TM9SF4: variants seen among roughly 807,000 people sequenced by gnomAD.
The protein encoded by TM9SF4 is dinucleotide oxidase disulfide thiol exchanger 3 superfamily member 4.
TM9SF4 carries 26 observed loss-of-function variants against 90.4 expected under a neutral mutation model. The observed-to-expected ratio is 0.29, with a 90% CI of 0.21 to 0.40. The LOEUF (loss-of-function observed/expected upper bound fraction) is 0.40. Ranked by LOEUF, TM9SF4 falls within the 10% of genes least tolerant of loss-of-function variation. The pLI, the probability that TM9SF4 is intolerant of heterozygous loss-of-function variation, is 1.00. For synonymous variants in TM9SF4, 293 were observed against 315.4 expected (o/e 0.93, Z 0.75); for missense variants, 549 against 834.8 (o/e 0.66, Z 4.22).
chr20:32,155,202 A>G lies in TM9SF4; in HGVS notation c.1329+16A>G, dbSNP rs956935161. 3 of 1,606,712 alleles carry G rather than the reference A, an allele frequency of 1.9e-6. No individual in the cohort carries two copies. The highest frequency in any genetic ancestry group is 2.2e-5 in the East Asian group (1 of 44,836). On this transcript the variant is annotated intron_variant, in intron 13 of 17. Coordinates refer to ENST00000398022, the MANE Select transcript of TM9SF4 (RefSeq NM_014742.4). ...ATCAGGAGCGGTAAGTGCCTCCCCT[A>G]CCCTTCCAGCCCCTCCCCAGCAAGC...
At chr20:32,119,200 T>C (rs749266594) in intron 1 of TM9SF4, among the ~76,000 whole-genome samples, 1 of 152,030 alleles carries the variant, frequency 6.6e-6, no homozygotes, top group Non-Finnish European at 1.5e-5. Flanking sequence ...GGCTCATGCT[T>C]GTAATGTCAG....
chr20:32,151,724 C>G (rs1192292762), intron 12 of TM9SF4, among the ~76,000 whole-genome samples: 3 of 152,088 alleles, frequency 2.0e-5, no homozygotes, highest in Admixed American at 2.0e-4. Context: ...TCTTGTTGCC[C>G]AGGCTGGAGT....
At chr20:32,157,750 G>A (rs772982489) in intron 13 of TM9SF4, 44 bp from the exon 14 acceptor site, 8 of 1,605,224 alleles carry the variant, frequency 5.0e-6, no homozygotes, top group East Asian at 2.2e-5. Flanking sequence ...CCCCCATCCC[G>A]GGCATCAGGG....
At chr20:32,120,806 G>A (rs998191311) in intron 1 of TM9SF4, among the ~76,000 whole-genome samples, 18 of 152,164 alleles carry the variant, frequency 1.2e-4, no homozygotes, top group African/African-American at 4.1e-4. Context: ...ATCTGATTAA[G>A]TTCCCTTCTA....
intron 1 of TM9SF4, among the ~76,000 whole-genome samples, chr20:32,129,425 T>G (rs1451368564): frequency 2.0e-5 from 3 of 152,056 alleles, no homozygotes; most frequent in Admixed American, 2.0e-4. Context: ...CCCAAGAGGT[T>G]GAGGCTGCAA....
chr20:32,151,870 T>G (rs1030638146), intron 12 of TM9SF4, among the ~76,000 whole-genome samples: 24 of 143,784 alleles, frequency 1.7e-4, no homozygotes, highest in Admixed American at 1.0e-3. Context: ...TGTTTTTTTG[T>G]TTTTTTTTTT....
At chr20:32,161,102 T>G (rs2122478137) in intron 16 of TM9SF4, 174 bp from the exon 17 acceptor site, 1 of 587,358 alleles carries the variant, frequency 1.7e-6, no homozygotes. Flanking sequence ...GTTCTGTGGT[T>G]TTTAGAAATG....
rs781133846 is a variant in TM9SF4 at position 32,133,095 on chromosome 20, A to G, written c.98A>G (p.Asn33Ser). ...TATGTGCCTGGGGTCGCGCCTATCA[A>G]CTTCCACCAGAACGATCCCGTAGAA... Reference protein sequence around the residue: ...AFYVPGVAPINFHQNDPVEIK... With the variant: ...AFYVPGVAPISFHQNDPVEIK... Residue 33 changes from asparagine to serine, a missense_variant, in exon 2 of 18, where the codon AAC becomes AGC. Asn to Ser is a conservative substitution (Grantham distance 46). This residue lies in a region of TM9SF4 where 495 missense variants were observed against 711.7 expected (regional missense o/e 0.70). Transcript: ENST00000398022. 1 of 1,614,148 alleles carries G rather than the reference A, an allele frequency of 6.2e-7. No individual in the cohort carries two copies. The highest frequency in any genetic ancestry group is 1.3e-5 in the African/African-American group (1 of 75,028).
intron 10 of TM9SF4, 55 bp downstream of exon 10, chr20:32,149,821 C>T (rs1242957692): frequency 1.9e-6 from 3 of 1,602,026 alleles, no homozygotes; most frequent in African/African-American, 1.3e-5. Context: ...TTCCAGGTGC[C>T]TCAAGGAGAG....
At chr20:32,144,677 A>G (rs1257052720) in intron 6 of TM9SF4, among the ~76,000 whole-genome samples, 1 of 152,232 alleles carries the variant, frequency 6.6e-6, no homozygotes, top group Non-Finnish European at 1.5e-5. Context: ...TGGGAGGCCA[A>G]CACAGAAGGA....
rs567448372 is a variant in TM9SF4, at chr20:32,165,505, G to T, written c.*61G>T. The T allele has an allele frequency of 5.5e-5, 87 of 1,585,062 alleles. No homozygotes were observed. The East Asian group carries it at 1.9e-3, about 35-fold the overall frequency. On this transcript the variant is annotated 3_prime_UTR_variant, in exon 18 of 18. Coordinates refer to ENST00000398022, the MANE Select transcript of TM9SF4 (RefSeq NM_014742.4). ...GGACAGGAAGCCACCCTGCGTGGGG[G>T]ACTGCAGGCACGCAAAATAAAATAA...
intron 16 of TM9SF4, among the ~76,000 whole-genome samples, chr20:32,160,734 A>G (rs981563468): frequency 6.6e-5 from 10 of 152,098 alleles, no homozygotes; most frequent in Non-Finnish European, 1.2e-4. Flanking sequence ...GCAGATCACA[A>G]GGTCAGAAGA....
Position 32,109,771 on chromosome 20 carries a change from T to G in TM9SF4, c.15+16T>G. ...GACGGCGATGGTGAGTGAAGGAGAC[T>G]CCGGGAGCGGGAGCTGGAGCGGGGC... On this transcript the variant is annotated intron_variant, in intron 1 of 17. Coordinates refer to ENST00000398022, the MANE Select transcript of TM9SF4 (RefSeq NM_014742.4). 6.4e-7 allele frequency: 1 copy of G among 1,551,554 alleles called. No homozygotes were observed. Among genetic ancestry groups the G allele is most frequent in the Non-Finnish European group, 8.7e-7 (1 of 1,146,944 alleles).
intron 1 of TM9SF4, among the ~76,000 whole-genome samples, chr20:32,123,866 A>ATATATATATTTTTT: frequency 5.3e-5 from 5 of 93,962 alleles, no homozygotes; most frequent in African/African-American, 9.1e-5. Context: ...ATATATATAT[A>ATATATATATTTTTT]TTTTTTTTTT....
Position 32,157,849 on chromosome 20 carries a change from C to CCCT in TM9SF4, c.1387_1389dup (p.Leu463dup). 2 of 1,614,122 alleles carry CCCT rather than the reference C, an allele frequency of 1.2e-6. No individual in the cohort carries two copies. The highest frequency in any genetic ancestry group is 2.2e-5 in the South Asian group (2 of 91,086). ...TGCATGTGGTTCGGGATCTCCCTGC[C>CCCT]CCTCGTCTACTTGGGCTACTACTTC... On this transcript the variant is annotated inframe_insertion, in exon 14 of 18. Transcript: ENST00000398022.
intron 1 of TM9SF4, among the ~76,000 whole-genome samples, chr20:32,122,203 G>A (rs1362453871): frequency 7.1e-6 from 1 of 141,624 alleles, no homozygotes; most frequent in Non-Finnish European, 1.6e-5. Flanking sequence ...GCCGGGCCGG[G>A]GGCTGATGCC....
intron 11 of TM9SF4, 34 bp from the exon 12 acceptor site, chr20:32,150,766 C>A (rs931595007): frequency 6.2e-7 from 1 of 1,614,056 alleles, no homozygotes; most frequent in Non-Finnish European, 8.5e-7. Flanking sequence ...GCTAATGGGT[C>A]CCCTTGGTGT....
chr20:32,145,515 C>G, intron 8 of TM9SF4, 92 bp downstream of exon 8: 1 of 1,166,864 alleles, frequency 8.6e-7, no homozygotes, highest in South Asian at 1.3e-5. Flanking sequence ...CCAGGGTGTT[C>G]TGAGGGTCAG....
intron 15 of TM9SF4, 63 bp downstream of exon 15, chr20:32,158,577 G>A (rs1341687211): frequency 1.1e-5 from 17 of 1,556,860 alleles, no homozygotes; most frequent in East Asian, 9.0e-5. Context: ...CACTCCACTC[G>A]GGTGCTCTGC....
Sources: gnomAD v4.1 joint callset for allele counts (sites outside exome capture counted in the v4.1 genomes callset) on GRCh38, gnomAD v4.1.1 for gene constraint, gnomAD v4.1.1 regional missense constraint, MANE v1.5 for transcripts, NCBI Gene and HGNC (gene_info 2026-07-23, HGNC 2026-07-21) for gene names.